Variants in ANP32A observed in about 807,000 individuals in gnomAD.
The protein encoded by ANP32A is acidic leucine-rich nuclear phosphoprotein 32 family member A.
ANP32A carries 1 observed loss-of-function variant against 33.9 expected under a neutral mutation model. That is an observed-to-expected ratio of 0.03 (90% CI 0.01 to 0.14). The LOEUF (loss-of-function observed/expected upper bound fraction) is 0.14, where lower values mean the gene tolerates loss of function less well. Ranked by LOEUF, ANP32A falls within the 10% of genes least tolerant of loss-of-function variation. ANP32A has a pLI of 1.00. For missense variants in ANP32A, 155 were observed against 306.0 expected (o/e 0.51, Z 3.68); for synonymous variants, 115 against 120.5 (o/e 0.95, Z 0.30).
At chr15:68,818,273 G>A (rs890329443) in intron 1 of ANP32A, 5 of 274,096 alleles carry the variant, frequency 1.8e-5, no homozygotes, top group Non-Finnish European at 3.9e-5. Context: ...CGGCGTCGCG[G>A]CATGGCCACC....
At chr15:68,809,483 T>C (rs1247370978) in intron 1 of ANP32A, among the ~76,000 whole-genome samples, 2 of 152,252 alleles carry the variant, frequency 1.3e-5, no homozygotes, top group East Asian at 3.8e-4. Flanking sequence ...TTTTAATTTA[T>C]ATTTTTGGCG....
intron 5 of ANP32A, chr15:68,781,537 A>AAGGTC (rs1171930877): frequency 6.6e-6 from 1 of 151,932 alleles, no homozygotes; most frequent in Non-Finnish European, 1.5e-5. Flanking sequence ...AGATGAGCCT[A>AAGGTC]AGAGTCTAGA....
intron 1 of ANP32A, among the ~76,000 whole-genome samples, chr15:68,810,751 A>C (rs1198591547): frequency 2.0e-5 from 3 of 152,160 alleles, no homozygotes; most frequent in Admixed American, 2.0e-4. Flanking sequence ...GAGAGCATCT[A>C]TCATAAAGTC....
In ANP32A at chr15:68,820,789, C is replaced by T; in HGVS notation, c.-38G>A. 1 of 1,613,404 alleles carries T rather than the reference C, an allele frequency of 6.2e-7. No individual in the cohort carries two copies. Among genetic ancestry groups the T allele is most frequent in the Non-Finnish European group, 8.5e-7 (1 of 1,179,440 alleles). On this transcript the variant is annotated 5_prime_UTR_variant, in exon 1 of 7. Coordinates refer to ENST00000465139, the MANE Select transcript of ANP32A (RefSeq NM_006305.4). ...CTCTCTGCAGAGGCTCCCGCGCCGG[C>T]GGAATTCAATCAATAAACCCCGAAC...
chr15:68,808,135 C>T (rs1267009886), intron 1 of ANP32A, among the ~76,000 whole-genome samples: 12 of 152,204 alleles, frequency 7.9e-5, no homozygotes. Flanking sequence ...CTAGTTTCCA[C>T]TTAGTTACTT....
In ANP32A at chr15:68,784,201, G is replaced by A. The variant is rs1021074244; in HGVS notation, c.526+196C>T. On this transcript the variant is annotated intron_variant, in intron 4 of 6. Coordinates refer to ENST00000465139, the MANE Select transcript of ANP32A (RefSeq NM_006305.4). Reference sequence around the variant, plus strand: ...AAGTCAACCAATGAGACAGATTAGGGACTATGGAAAACAAAGCAGACAGCC... The same window carrying A: ...AAGTCAACCAATGAGACAGATTAGGAACTATGGAAAACAAAGCAGACAGCC... 2.1e-5 allele frequency: 13 copies of A among 620,920 alleles called. No homozygotes were observed. The African/African-American group carries it at 2.2e-4, about 11-fold the overall frequency. The allele number at this position is 620,920 out of a possible 1,614,324, so 38.5% of individuals were successfully genotyped here.
intron 1 of ANP32A, 57 bp downstream of exon 1, chr15:68,820,641 C>CAT: frequency 6.7e-7 from 1 of 1,485,242 alleles, no homozygotes; most frequent in East Asian, 2.5e-5. Flanking sequence ...CGCACACACA[C>CAT]ACACACACAC....
Position 68,796,626 on chromosome 15 carries a change from C to T in ANP32A, c.55-8707G>A, listed in dbSNP as rs149088615. Reference sequence around the variant, plus strand: ...AGAGGTAGGCACTGGAAGCAGAGTCCCAGCAGGTGGTGTGTGAACAGTAAC... The same window carrying T: ...AGAGGTAGGCACTGGAAGCAGAGTCTCAGCAGGTGGTGTGTGAACAGTAAC... On this transcript the variant is annotated intron_variant, in intron 1 of 6. Transcript: ENST00000465139. Among the ~76,000 whole-genome samples the T allele has an allele frequency of 3.0e-3, 453 of 152,228 alleles. 5 individuals are homozygous for T. The highest frequency in any genetic ancestry group is 0.014 in the Middle Eastern group (4 of 294).
intron 4 of ANP32A, 73 bp from the exon 5 acceptor site, chr15:68,783,126 CCTTGTAGCGT>C: frequency 6.5e-7 from 1 of 1,539,582 alleles, no homozygotes; most frequent in Non-Finnish European, 8.8e-7. Context: ...AGCACAGGCC[CCTTGTAGCGT>C]CTTCAGTGTG....
chr15:68,816,326 T>A (rs1427660130), intron 1 of ANP32A, among the ~76,000 whole-genome samples: 3 of 152,178 alleles, frequency 2.0e-5, no homozygotes, highest in African/African-American at 4.8e-5. Flanking sequence ...TGAGTTTGAA[T>A]CCTGGTTCTG....
At chr15:68,793,566 C>A (rs1894025469) in intron 1 of ANP32A, among the ~76,000 whole-genome samples, 1 of 152,136 alleles carries the variant, frequency 6.6e-6, no homozygotes, top group South Asian at 2.1e-4. Context: ...GAGGAGACAG[C>A]CACCAGTAAA....
intron 1 of ANP32A, among the ~76,000 whole-genome samples, chr15:68,807,929 T>C (rs1012082034): frequency 3.3e-5 from 5 of 152,158 alleles, no homozygotes; most frequent in Non-Finnish European, 7.3e-5. Flanking sequence ...AATGCCCACT[T>C]GACACTCCCA....
chr15:68,787,622 C>G, intron 2 of ANP32A, 87 bp from the exon 3 acceptor site: 5 of 1,603,850 alleles, frequency 3.1e-6, no homozygotes, highest in Non-Finnish European at 4.3e-6. Flanking sequence ...CCCAGACGGG[C>G]AAGAAGGGAA....
intron 1 of ANP32A, among the ~76,000 whole-genome samples, chr15:68,805,638 G>A (rs1200827013): frequency 6.6e-6 from 1 of 152,108 alleles, no homozygotes. Context: ...TAAGCTCACT[G>A]GGCCTTAGCT....
At chr15:68,784,766 A>G (rs1893911854) in intron 3 of ANP32A, among the ~76,000 whole-genome samples, 171 bp from the exon 4 acceptor site, 1 of 152,162 alleles carries the variant, frequency 6.6e-6, no homozygotes, top group Non-Finnish European at 1.5e-5. Flanking sequence ...GCCCAGACAT[A>G]TCACCTGCAG....
chr15:68,818,973 C>T (rs1894431962), intron 1 of ANP32A, among the ~76,000 whole-genome samples: 1 of 152,190 alleles, frequency 6.6e-6, no homozygotes, highest in East Asian at 1.9e-4. Context: ...CCCGCGGCCG[C>T]CCCCTCCCCG....
At chr15:68,782,097 T>C (rs1893877007) in intron 5 of ANP32A, among the ~76,000 whole-genome samples, 1 of 152,198 alleles carries the variant, frequency 6.6e-6, no homozygotes, top group Admixed American at 6.5e-5. Flanking sequence ...TTTAAAACTC[T>C]CTAGTTCTAA....
intron 1 of ANP32A, among the ~76,000 whole-genome samples, chr15:68,798,403 G>C (rs1894089851): frequency 6.6e-6 from 1 of 152,190 alleles, no homozygotes; most frequent in Non-Finnish European, 1.5e-5. Context: ...GTAAGCGTCT[G>C]CCCCATTTTC....
rs1893949303 is a variant in ANP32A at position 68,787,660 on chromosome 15, T to C, written c.204+110A>G. ...CAGTCTCAGGCAATTGTCTGGCATG[T>C]TGGTGCAAGCACCCGGCTTTCCCTT... On this transcript the variant is annotated intron_variant, in intron 2 of 6. Coordinates refer to ENST00000465139, the MANE Select transcript of ANP32A (RefSeq NM_006305.4). 3.8e-6 allele frequency: 6 copies of C among 1,593,776 alleles called. No homozygotes were observed. In the South Asian group the frequency reaches 6.7e-5, roughly 18 times the overall value.
Sources: gnomAD v4.1 joint callset for allele counts (sites outside exome capture counted in the v4.1 genomes callset) on GRCh38, gnomAD v4.1.1 for gene constraint, MANE v1.5 for transcripts, NCBI Gene and HGNC (gene_info 2026-07-23, HGNC 2026-07-21) for gene names.